CNTNAP2: variants seen among roughly 807,000 people sequenced by gnomAD.
The protein encoded by CNTNAP2 is contactin-associated protein-like 2.
A neutral mutation model predicts 155.2 loss-of-function variants in CNTNAP2; 98 were observed. The ratio of observed to expected loss-of-function variants is 0.63; its 90% confidence interval spans 0.54 to 0.75. The LOEUF is 0.75. Among genes scored for constraint, CNTNAP2 ranks in the 30% least tolerant of loss-of-function variants. The probability of loss-of-function intolerance (pLI) is 0.00; values close to 1 mark genes in which losing one functional copy is unlikely to be tolerated. For missense variants in CNTNAP2, 1,727 were observed against 1,688.1 expected (o/e 1.02, Z -0.40); for synonymous variants, 651 against 631.2 (o/e 1.03, Z -0.47).
intron 1 of CNTNAP2, among the ~76,000 whole-genome samples, chr7:146,314,015 A>G (rs879336964): frequency 1.3e-5 from 2 of 151,820 alleles, no homozygotes; most frequent in Non-Finnish European, 2.9e-5. Flanking sequence ...TTATATATGT[A>G]TATATATATA....
chr7:146,206,154 A>T (rs1350129747), intron 1 of CNTNAP2, among the ~76,000 whole-genome samples: 3 of 151,988 alleles, frequency 2.0e-5, no homozygotes, highest in African/African-American at 7.2e-5. Context: ...AATGTCAATC[A>T]TAGCTGTTAA....
intron 11 of CNTNAP2, among the ~76,000 whole-genome samples, chr7:147,520,877 C>T (rs1381443429): frequency 2.0e-5 from 3 of 152,202 alleles, no homozygotes; most frequent in Non-Finnish European, 4.4e-5. Flanking sequence ...CTCTGTCAGT[C>T]AGTCACTTCA....
At chr7:146,639,317 G>A (rs1055881866) in intron 1 of CNTNAP2, among the ~76,000 whole-genome samples, 10 of 152,106 alleles carry the variant, frequency 6.6e-5, no homozygotes, top group Non-Finnish European at 7.4e-5. Context: ...ATGTGACATC[G>A]TTCTCTACTA....
In CNTNAP2 at chr7:146,610,799, C is replaced by A. The variant is rs562711449; in HGVS notation, c.98-163472C>A. 3.5e-3 allele frequency among the ~76,000 whole-genome samples: 529 copies of A among 152,246 alleles called. 3 individuals carry two copies. The highest frequency in any genetic ancestry group is 5.6e-3 in the Non-Finnish European group (384 of 68,016). ...ATCTGTTAGCACTTTAACACGTAAA[C>A]CTATCCTGAATTGGAATATGTTTTG... On this transcript the variant is annotated intron_variant, in intron 1 of 23. Transcript: ENST00000361727.
intron 3 of CNTNAP2, among the ~76,000 whole-genome samples, chr7:146,987,577 G>A (rs1427122534): frequency 6.6e-6 from 1 of 152,068 alleles, no homozygotes; most frequent in Non-Finnish European, 1.5e-5. Context: ...AGTCTAAAAT[G>A]GAGAGATTTT....
chr7:146,961,816 T>TGAAAATG (rs1797562823), intron 3 of CNTNAP2, among the ~76,000 whole-genome samples: 1 of 152,134 alleles, frequency 6.6e-6, no homozygotes, highest in Non-Finnish European at 1.5e-5. Context: ...TCTCACCATC[T>TGAAAATG]GAAAATGAAA....
chr7:147,235,250 T>C (rs1803772991), intron 8 of CNTNAP2, among the ~76,000 whole-genome samples: 2 of 152,106 alleles, frequency 1.3e-5, no homozygotes, highest in Admixed American at 1.3e-4. Flanking sequence ...GTCTCCAGCT[T>C]TCCAGCTCAC....
intron 9 of CNTNAP2, among the ~76,000 whole-genome samples, chr7:147,346,620 A>T (rs2116869642): frequency 6.6e-6 from 1 of 152,336 alleles, no homozygotes; most frequent in East Asian, 1.9e-4. Flanking sequence ...GTGAAGAGAG[A>T]GTTGCAGGAT....
At chr7:146,961,741 G>C (rs1297811785) in intron 3 of CNTNAP2, among the ~76,000 whole-genome samples, 1 of 152,138 alleles carries the variant, frequency 6.6e-6, no homozygotes, top group Non-Finnish European at 1.5e-5. Flanking sequence ...GCCAGAAATA[G>C]GGAAATGTAT....
At chr7:147,761,229 T>C (rs1273299001) in intron 13 of CNTNAP2, among the ~76,000 whole-genome samples, 2 of 152,236 alleles carry the variant, frequency 1.3e-5, no homozygotes, top group African/African-American at 4.8e-5. Context: ...GGAAACTTCC[T>C]GAATGCTGCT....
At chr7:146,963,903 G>A (rs1243807754) in intron 3 of CNTNAP2, among the ~76,000 whole-genome samples, 1 of 152,078 alleles carries the variant, frequency 6.6e-6, no homozygotes, top group Non-Finnish European at 1.5e-5. Flanking sequence ...TCCCAGGCTG[G>A]AAGACACTGG....
chr7:148,039,299 T>C (rs1008037567), intron 15 of CNTNAP2, among the ~76,000 whole-genome samples: 2 of 152,166 alleles, frequency 1.3e-5, no homozygotes, highest in Non-Finnish European at 2.9e-5. Context: ...GTCAGCGCTC[T>C]GGGAGAGACA....
At chr7:148,010,134 A>G (rs1802050088) in intron 15 of CNTNAP2, among the ~76,000 whole-genome samples, 1 of 151,994 alleles carries the variant, frequency 6.6e-6, no homozygotes, top group East Asian at 1.9e-4. Flanking sequence ...ATGAGGCTAA[A>G]CTAATTTAAT....
intron 1 of CNTNAP2, among the ~76,000 whole-genome samples, chr7:146,704,019 C>T (rs940236239): frequency 6.6e-6 from 1 of 151,988 alleles, no homozygotes; most frequent in Non-Finnish European, 1.5e-5. Flanking sequence ...CATATGTCTA[C>T]TTTGATTGTT....
At chr7:147,409,909 C>G (rs1462480080) in intron 10 of CNTNAP2, among the ~76,000 whole-genome samples, 1 of 151,978 alleles carries the variant, frequency 6.6e-6, no homozygotes, top group East Asian at 1.9e-4. Flanking sequence ...ATAACAAATA[C>G]TGGCAATGCT....
At chr7:147,584,184 G>A (rs367667444) in intron 12 of CNTNAP2, among the ~76,000 whole-genome samples, 3 of 152,176 alleles carry the variant, frequency 2.0e-5, no homozygotes, top group East Asian at 3.8e-4. Flanking sequence ...GCACAAAAGT[G>A]ATATAATTTT....
At chr7:146,830,008 A>T (rs772914056) in intron 2 of CNTNAP2, among the ~76,000 whole-genome samples, 1 of 152,042 alleles carries the variant, frequency 6.6e-6, no homozygotes, top group Non-Finnish European at 1.5e-5. Context: ...GGGCTTGTTT[A>T]TACATTAACA....
chr7:148,333,441 A>C (rs1353769686), intron 21 of CNTNAP2, among the ~76,000 whole-genome samples: 1 of 142,992 alleles, frequency 7.0e-6, no homozygotes, highest in African/African-American at 2.5e-5. Flanking sequence ...AAGGAAAAAA[A>C]AAACACTCAT....
intron 13 of CNTNAP2, among the ~76,000 whole-genome samples, chr7:147,792,019 C>T (rs1005156159): frequency 1.3e-5 from 2 of 152,184 alleles, no homozygotes; most frequent in African/African-American, 4.8e-5. Flanking sequence ...CCTAAGGGCA[C>T]CACCTAATTA....
Sources: allele counts gnomAD v4.1 joint callset (sites outside exome capture counted in the v4.1 genomes callset), GRCh38; gene constraint gnomAD v4.1.1; transcripts MANE v1.5; gene names NCBI Gene and HGNC (gene_info 2026-07-23, HGNC 2026-07-21).